The following CCDC80 variants were observed in gnomAD, a reference collection of about 807,000 sequenced individuals.
CCDC80 encodes the protein coiled-coil domain containing 80.
CCDC80 carries 49 observed loss-of-function variants against 78.7 expected under a neutral mutation model. The ratio of observed to expected loss-of-function variants is 0.62; its 90% CI spans 0.50 to 0.79. The LOEUF (loss-of-function observed/expected upper bound fraction) is 0.79. CCDC80 is among the 30% of genes least tolerant of loss of function. CCDC80 has a pLI of 0.00. For missense variants in CCDC80, 1,205 were observed against 1,198.6 expected, an observed-to-expected ratio of 1.01 and a Z score of -0.08; for synonymous variants, 488 against 447.0, an observed-to-expected ratio of 1.09 and a Z score of -1.16.
Position 112,638,927 on chromosome 3 carries a change from G to A in CCDC80, c.979C>T (p.Arg327Trp). 1 of 1,613,228 alleles carries A rather than the reference G, an allele frequency of 6.2e-7. No homozygotes were observed. Among genetic ancestry groups the A allele is most frequent in the Non-Finnish European group, 8.5e-7 (1 of 1,179,984 alleles). The change falls in exon 2 of 8, where the codon CGG becomes TGG. Residue 327 changes from arginine (R) to tryptophan (W), a missense_variant. By Grantham distance (101) the Arg-to-Trp change is moderately radical. Coordinates refer to ENST00000206423, the MANE Select transcript of CCDC80 (RefSeq NM_199511.3). Reference protein sequence around the residue: ...RAQVPPTRESRVKVLRKLAAT... With the variant: ...RAQVPPTRESWVKVLRKLAAT... ...GCCAGTTTTCTCAGGACCTTCACCC[G>A]ACTCTCTCTGGTTGGTGGGACTTGT...
chr3:112,606,392 A>G (rs1935496538), intron 7 of CCDC80, among the ~76,000 whole-genome samples: 1 of 146,660 alleles, frequency 6.8e-6, no homozygotes, highest in Non-Finnish European at 1.5e-5. Flanking sequence ...TTCAGTCAAG[A>G]GTCTTTTTTT....
At chr3:112,611,378 C>T (rs1183801329) in intron 5 of CCDC80, among the ~76,000 whole-genome samples, 4 of 152,170 alleles carry the variant, frequency 2.6e-5, no homozygotes, top group Non-Finnish European at 2.9e-5. Context: ...CATTAACAGA[C>T]GTTGACATTA....
rs1457161633 is a variant in CCDC80 at position 112,601,127 on chromosome 3, AAAAC to A, written c.*4286_*4289del. ...AGCTTTCTGGAGCTCAGTTACCTGTAAAACAAGGAAGAATGAATGGTCTTTATGG... is the reference window on the plus strand; with the variant it reads ...AGCTTTCTGGAGCTCAGTTACCTGTAAAGGAAGAATGAATGGTCTTTATGG... On this transcript the variant is annotated 3_prime_UTR_variant, in exon 8 of 8. Transcript: ENST00000206423. 6.6e-6 allele frequency: 1 copy of A among 152,232 alleles called. No individual in the cohort carries two copies. The highest frequency in any genetic ancestry group is 1.5e-5 in the Non-Finnish European group (1 of 68,044). The allele number at this position is 152,232 out of a possible 1,614,324, so 9.4% of individuals were successfully genotyped here. A position where few individuals can be genotyped will look rare whatever the true frequency, so the allele number is the denominator to read the frequency against.
chr3:112,611,684 G>A (rs1308919708), intron 5 of CCDC80, among the ~76,000 whole-genome samples: 1 of 152,204 alleles, frequency 6.6e-6, no homozygotes, highest in Non-Finnish European at 1.5e-5. Context: ...GGGTCTGCAA[G>A]AGGGTATAAA....
At chr3:112,621,329 A>G (rs1289433395) in intron 3 of CCDC80, among the ~76,000 whole-genome samples, 1 of 152,168 alleles carries the variant, frequency 6.6e-6, no homozygotes, top group Non-Finnish European at 1.5e-5. Flanking sequence ...GGTTTAGTCA[A>G]GCCAAGTTAC....
intron 7 of CCDC80, 147 bp downstream of exon 7, chr3:112,607,029 G>A (rs942000558): frequency 1.7e-6 from 1 of 585,638 alleles, no homozygotes; most frequent in African/African-American, 1.9e-5. Context: ...TGCACACACA[G>A]GCACACATGC....
rs1454062320 is a variant in CCDC80, at chr3:112,602,135, GTTA to G, written c.*3279_*3281del. On this transcript the variant is annotated 3_prime_UTR_variant, in exon 8 of 8. Transcript: ENST00000206423. Reference sequence around the variant, plus strand: ...TTCACACTGTTTCATTATTATCTCTGTTATTAAAATCTGTAGTCAACGATCTTT... The same window carrying G: ...TTCACACTGTTTCATTATTATCTCTGTTAAAATCTGTAGTCAACGATCTTT... 2.6e-5 allele frequency: 4 copies of G among 152,074 alleles called. No individual in the cohort carries two copies. The highest frequency in any genetic ancestry group is 6.5e-5 in the Admixed American group (1 of 15,270). 9.4% of individuals were successfully genotyped at this position (152,074 alleles called of 1,614,324 possible).
chr3:112,618,836 G>A, intron 4 of CCDC80, 132 bp downstream of exon 4: 1 of 888,552 alleles, frequency 1.1e-6, no homozygotes, highest in Non-Finnish European at 1.6e-6. Flanking sequence ...GGAAAATTTG[G>A]CCCATCTCAA....
chr3:112,638,755 G>T lies in CCDC80; in HGVS notation c.1151C>A (p.Thr384Lys). Reference sequence around the variant, plus strand: ...GGGTGAGGGGGTCCAGGGCCTCTGCGTGGTGGGAAAGGCAGTGGTGGTCAT... The same window carrying T: ...GGGTGAGGGGGTCCAGGGCCTCTGCTTGGTGGGAAAGGCAGTGGTGGTCAT... Reference protein sequence around the residue: ...RPMTTTAFPTTQRPWTPSPSH... With the variant: ...RPMTTTAFPTKQRPWTPSPSH... Residue 384 changes from threonine (T) to lysine (K), a missense_variant, in exon 2 of 8, where the codon ACG (threonine) becomes AAG (lysine). Thr to Lys is a moderately conservative substitution (Grantham distance 78). Transcript: ENST00000206423. 6.2e-7 allele frequency: 1 copy of T among 1,613,882 alleles called. No homozygotes were observed.
At chr3:112,610,584 GTGGT>G (rs1033800344) in intron 5 of CCDC80, among the ~76,000 whole-genome samples, 1 of 152,136 alleles carries the variant, frequency 6.6e-6, no homozygotes, top group Non-Finnish European at 1.5e-5. Flanking sequence ...AAATGGGAGA[GTGGT>G]TTAAAGGTTC....
chr3:112,621,867 G>A (rs575381485), intron 3 of CCDC80, among the ~76,000 whole-genome samples: 1 of 152,334 alleles, frequency 6.6e-6, no homozygotes, highest in African/African-American at 2.4e-5. Context: ...AAAGTGGACA[G>A]TTTGGAAGGT....
intron 5 of CCDC80, among the ~76,000 whole-genome samples, chr3:112,614,741 C>G (rs79506531): frequency 2.6e-5 from 4 of 152,122 alleles, no homozygotes; most frequent in African/African-American, 9.7e-5. Flanking sequence ...AAATTCTAGG[C>G]CTTTAGGTTC....
At chr3:112,628,952 C>A (rs1386814277) in intron 3 of CCDC80, among the ~76,000 whole-genome samples, 1 of 151,936 alleles carries the variant, frequency 6.6e-6, no homozygotes, top group African/African-American at 2.4e-5. Context: ...GTATTGTGCA[C>A]TTAAAAATGT....
At chr3:112,613,610 A>G (rs1935676008) in intron 5 of CCDC80, among the ~76,000 whole-genome samples, 1 of 152,186 alleles carries the variant, frequency 6.6e-6, no homozygotes, top group South Asian at 2.1e-4. Context: ...AACCCTTGAC[A>G]TAGTGGTTAT....
chr3:112,610,549 T>C (rs904131662), intron 5 of CCDC80, among the ~76,000 whole-genome samples: 1 of 152,164 alleles, frequency 6.6e-6, no homozygotes, highest in African/African-American at 2.4e-5. Context: ...GTATTTTAAG[T>C]AGATTACAGT....
intron 3 of CCDC80, among the ~76,000 whole-genome samples, chr3:112,629,330 T>C (rs1034510449): frequency 1.3e-5 from 2 of 151,610 alleles, no homozygotes; most frequent in Non-Finnish European, 2.9e-5. Flanking sequence ...CAGTAGAAAG[T>C]GCATATAAGA....
chr3:112,611,244 T>G (rs1359343955), intron 5 of CCDC80, among the ~76,000 whole-genome samples: 4 of 152,176 alleles, frequency 2.6e-5, no homozygotes, highest in Admixed American at 2.0e-4. Flanking sequence ...AACAGCAGTA[T>G]GTTGTTCACA....
rs553394946 is a variant in CCDC80, at chr3:112,601,287, T to C, written c.*4130A>G. 1 of 152,324 alleles carries C rather than the reference T, an allele frequency of 6.6e-6. No homozygotes were observed. The highest frequency in any genetic ancestry group is 2.1e-4 in the South Asian group (1 of 4,834). 9.4% of individuals were successfully genotyped at this position (152,324 alleles called of 1,614,324 possible). On this transcript the variant is annotated 3_prime_UTR_variant, in exon 8 of 8. Transcript: ENST00000206423. ...CATACAGTAGGCACAGATAAACCTA[T>C]AGCAAATATTCACATGTGGTTTGAA...
chr3:112,619,325 C>T lies in CCDC80; in HGVS notation c.2036-221G>A, dbSNP rs142666788. Among the ~76,000 whole-genome samples the T allele has an allele frequency of 1.4e-4, 22 of 152,324 alleles. No homozygotes were observed. The East Asian group carries it at 3.9e-3, about 27-fold the overall frequency. On this transcript the variant is annotated intron_variant, in intron 3 of 7. Coordinates refer to ENST00000206423, the MANE Select transcript of CCDC80 (RefSeq NM_199511.3). ...GCTACTCTTCTATAGATGATCAAGGCTCCATCTCTGTCCATCCTGTTCACA... is the reference window on the plus strand; with the variant it reads ...GCTACTCTTCTATAGATGATCAAGGTTCCATCTCTGTCCATCCTGTTCACA...
Sources: gnomAD v4.1 joint callset for allele counts (sites outside exome capture counted in the v4.1 genomes callset) on GRCh38, gnomAD v4.1.1 for gene constraint, MANE v1.5 for transcripts, NCBI Gene and HGNC (gene_info 2026-07-23, HGNC 2026-07-21) for gene names.